The following ZMAT4 variants were observed in gnomAD, a reference collection of about 807,000 sequenced individuals.
The protein encoded by ZMAT4 is zinc finger matrin-type protein 4.
A neutral mutation model predicts 28.7 loss-of-function variants in ZMAT4; 17 were observed. The ratio of observed to expected loss-of-function variants is 0.59; its 90% confidence interval spans 0.41 to 0.89. ZMAT4 has a LOEUF of 0.89. Ranked by LOEUF, ZMAT4 falls within the 40% of genes least tolerant of loss-of-function variation. ZMAT4 has a pLI of 0.00. For missense variants in ZMAT4, 240 were observed against 283.8 expected, an observed-to-expected ratio of 0.85 and a Z score of 1.11; for synonymous variants, 117 against 109.2, an observed-to-expected ratio of 1.07 and a Z score of -0.44.
intron 5 of ZMAT4, 33 bp downstream of exon 5, chr8:40,674,671 T>A: frequency 6.4e-7 from 1 of 1,571,752 alleles, no homozygotes; most frequent in African/African-American, 1.4e-5. Context: ...GAAAGCCCAG[T>A]TTTGTGGCAG....
intron 2 of ZMAT4, among the ~76,000 whole-genome samples, chr8:40,784,532 C>T (rs1236613877): frequency 6.6e-6 from 1 of 152,146 alleles, no homozygotes; most frequent in East Asian, 1.9e-4. Context: ...ACTATCACTA[C>T]TGCTGCCGAA....
In ZMAT4 at chr8:40,674,879, G is replaced by T. The variant is rs557061146; in HGVS notation, c.402C>A (p.Val134=). Residue 134 remains valine (V), a synonymous_variant, in exon 5 of 7, where the codon GTC becomes GTA. Transcript: ENST00000297737. The part of the protein sequence containing the change: ...KPPRMDTAPV[V]ASPYQRRDSD... ...AATCTCTTCTTTGATAGGGAGATGCGACCACCGGAGCAGTGTCCATCCGTG... is the reference window on the plus strand; with the variant it reads ...AATCTCTTCTTTGATAGGGAGATGCTACCACCGGAGCAGTGTCCATCCGTG... The T allele has an allele frequency of 1.2e-6, 2 of 1,613,294 alleles. No individual in the cohort carries two copies. The highest frequency in any genetic ancestry group is 8.5e-7 in the Non-Finnish European group (1 of 1,179,852).
chr8:40,720,327 A>C (rs1376084005), intron 3 of ZMAT4, among the ~76,000 whole-genome samples: 1 of 152,048 alleles, frequency 6.6e-6, no homozygotes, highest in African/African-American at 2.4e-5. Context: ...TAAAATCTAC[A>C]CTTGGTTTTC....
chr8:40,760,189 G>A (rs1261553821), intron 3 of ZMAT4, among the ~76,000 whole-genome samples: 1 of 152,148 alleles, frequency 6.6e-6, no homozygotes, highest in Non-Finnish European at 1.5e-5. Flanking sequence ...CTCACTCACA[G>A]CACCTACTCC....
intron 2 of ZMAT4, among the ~76,000 whole-genome samples, chr8:40,820,645 G>C (rs904907716): frequency 7.1e-6 from 1 of 140,082 alleles, no homozygotes; most frequent in Non-Finnish European, 1.6e-5. Flanking sequence ...GGAGTGTCTC[G>C]GGCATGTGTG....
At chr8:40,674,953 G>C in intron 4 of ZMAT4, 22 bp from the exon 5 acceptor site, 1 of 1,593,796 alleles carries the variant, frequency 6.3e-7, no homozygotes, top group Admixed American at 1.7e-5. Context: ...AACAACCAGA[G>C]AACCACAGCC....
chr8:40,623,518 C>T (rs1051396626), intron 5 of ZMAT4, among the ~76,000 whole-genome samples: 6 of 152,172 alleles, frequency 3.9e-5, no homozygotes, highest in Admixed American at 3.3e-4. Flanking sequence ...AGTGAGAAGA[C>T]ACATTTTGCA....
chr8:40,742,622 C>A (rs913056072), intron 3 of ZMAT4, among the ~76,000 whole-genome samples: 5 of 151,976 alleles, frequency 3.3e-5, no homozygotes, highest in African/African-American at 1.2e-4. Flanking sequence ...AAGGTGCCTC[C>A]CTCCAATTTT....
chr8:40,756,071 C>T (rs1226550651), intron 3 of ZMAT4, among the ~76,000 whole-genome samples: 1 of 152,126 alleles, frequency 6.6e-6, no homozygotes, highest in African/African-American at 2.4e-5. Flanking sequence ...TGATCCTCTC[C>T]TTGGGACCTT....
At chr8:40,662,169 T>C (rs1294272454) in intron 5 of ZMAT4, among the ~76,000 whole-genome samples, 1 of 151,848 alleles carries the variant, frequency 6.6e-6, no homozygotes, top group African/African-American at 2.4e-5. Flanking sequence ...TTTATAGAGA[T>C]GGGGCTTTAC....
At chr8:40,633,594 T>G (rs536216317) in intron 5 of ZMAT4, among the ~76,000 whole-genome samples, 2 of 152,286 alleles carry the variant, frequency 1.3e-5, no homozygotes, top group Middle Eastern at 3.4e-3. Context: ...CAACCTGGAA[T>G]GTAACAACAT....
At chr8:40,890,443 G>A (rs781500334) in intron 1 of ZMAT4, among the ~76,000 whole-genome samples, 6 of 151,998 alleles carry the variant, frequency 3.9e-5, no homozygotes, top group Non-Finnish European at 8.8e-5. Flanking sequence ...CCCTGATCTA[G>A]TGTAACTTAT....
intron 2 of ZMAT4, among the ~76,000 whole-genome samples, chr8:40,795,695 T>A (rs4736881): frequency 0.72 from 109,184 of 152,132 alleles, 39,430 homozygotes; most frequent in Middle Eastern, 0.79. Context: ...TATTTTATAC[T>A]ATCCGTTGCA....
intron 5 of ZMAT4, among the ~76,000 whole-genome samples, chr8:40,619,428 A>T (rs906087889): frequency 2.0e-4 from 30 of 152,188 alleles, no homozygotes; most frequent in African/African-American, 6.8e-4. Context: ...TGGTGCCTTC[A>T]TCAGATATGC....
At chr8:40,833,504 G>A (rs1482306326) in intron 1 of ZMAT4, among the ~76,000 whole-genome samples, 1 of 142,602 alleles carries the variant, frequency 7.0e-6, no homozygotes, top group Non-Finnish European at 1.5e-5. Context: ...GCAGGCAGAG[G>A]TTGCAGTGAA....
intron 1 of ZMAT4, among the ~76,000 whole-genome samples, chr8:40,894,309 C>A (rs2150673963): frequency 6.6e-6 from 1 of 152,340 alleles, no homozygotes; most frequent in South Asian, 2.1e-4. Context: ...TACCTCATTG[C>A]TCCCCTAGGG....
intron 1 of ZMAT4, among the ~76,000 whole-genome samples, chr8:40,840,233 C>G (rs1245361800): frequency 6.6e-6 from 1 of 152,172 alleles, no homozygotes; most frequent in African/African-American, 2.4e-5. Flanking sequence ...AAATCACACT[C>G]CTCCGGGGCA....
intron 2 of ZMAT4, among the ~76,000 whole-genome samples, chr8:40,820,197 T>C (rs1815701067): frequency 6.6e-6 from 1 of 151,108 alleles, no homozygotes; most frequent in Admixed American, 6.6e-5. Context: ...GGCGGGTGTG[T>C]ATGTGTGTGT....
chr8:40,544,581 A>C (rs1229289634), intron 6 of ZMAT4, among the ~76,000 whole-genome samples: 5 of 152,206 alleles, frequency 3.3e-5, no homozygotes, highest in African/African-American at 4.8e-5. Context: ...TCTTGGAGAG[A>C]ATTGTGGGTA....
Sources: allele counts gnomAD v4.1 joint callset (sites outside exome capture counted in the v4.1 genomes callset), GRCh38; gene constraint gnomAD v4.1.1; transcripts MANE v1.5; gene names NCBI Gene and HGNC (gene_info 2026-07-23, HGNC 2026-07-21).